CADM2: variants seen among roughly 807,000 people sequenced by gnomAD.
CADM2 encodes the protein immunoglobulin superfamily member 4D.
A neutral mutation model predicts 49.8 loss-of-function variants in CADM2; 12 were observed. That is an observed-to-expected ratio of 0.24 (90% confidence interval 0.15 to 0.39). The LOEUF is 0.39. CADM2 is among the 10% of genes least tolerant of loss of function. The pLI, the probability that CADM2 is intolerant of heterozygous loss-of-function variation, is 1.00. For synonymous variants in CADM2, 214 were observed against 175.4 expected (o/e 1.22, Z -1.74); for missense variants, 378 against 492.3 (o/e 0.77, Z 2.20).
At chr3:85,390,077 AAC>A (rs1432039304) in intron 1 of CADM2, among the ~76,000 whole-genome samples, 3 of 152,110 alleles carry the variant, frequency 2.0e-5, no homozygotes, top group Admixed American at 6.5e-5. Context: ...AAATATGAAA[AAC>A]ACAATAAAAA....
At chr3:85,386,451 T>C (rs2034238773) in intron 1 of CADM2, among the ~76,000 whole-genome samples, 1 of 151,936 alleles carries the variant, frequency 6.6e-6, no homozygotes, top group Non-Finnish European at 1.5e-5. Context: ...GGCAGTAGGG[T>C]GAGACCTCTG....
At chr3:85,578,831 A>G (rs1279523328) in intron 1 of CADM2, among the ~76,000 whole-genome samples, 1 of 152,048 alleles carries the variant, frequency 6.6e-6, no homozygotes, top group Non-Finnish European at 1.5e-5. Context: ...TCAACTTTAT[A>G]CCCTCCCATC....
intron 1 of CADM2, among the ~76,000 whole-genome samples, chr3:85,504,603 G>A (rs1451690405): frequency 1.3e-5 from 2 of 152,218 alleles, no homozygotes; most frequent in East Asian, 3.9e-4. Context: ...CAGGAGCCCA[G>A]CTGGCTTCAC....
intron 1 of CADM2, among the ~76,000 whole-genome samples, chr3:85,430,682 A>AAGAG (rs2036621831): frequency 6.6e-6 from 1 of 151,572 alleles, no homozygotes; most frequent in South Asian, 2.1e-4. Flanking sequence ...AAGACAGAGA[A>AAGAG]AAGAAACAAA....
chr3:85,990,013 CAAAAAAAAA>C (rs58178176), intron 8 of CADM2, among the ~76,000 whole-genome samples: 130 of 9,640 alleles, frequency 0.013, 1 homozygote, highest in Non-Finnish European at 0.024. Context: ...ACTCCATGTC[CAAAAAAAAA>C]AAAAAAAAAA....
rs546889137 is a variant in CADM2, at chr3:85,328,343, G to A, written c.61+368675G>A. Among the ~76,000 whole-genome samples the A allele has an allele frequency of 5.3e-5, 8 of 152,128 alleles. No homozygotes were observed. The South Asian group carries it at 8.3e-4, about 16-fold the overall frequency. Reference sequence around the variant, plus strand: ...TTTTACAGGAAATGTATTAAAATTTGTCACTATAACTCTAATTTCATTTAA... The same window carrying A: ...TTTTACAGGAAATGTATTAAAATTTATCACTATAACTCTAATTTCATTTAA... On this transcript the variant is annotated intron_variant, in intron 1 of 9. Transcript: ENST00000383699.
rs556015901 is a variant in CADM2 at position 85,307,648 on chromosome 3, C to T, written c.61+347980C>T. On this transcript the variant is annotated intron_variant, in intron 1 of 9. Transcript: ENST00000383699. ...ATAATGCTTTGTGATGTGAGAGAAA[C>T]AAATCCCAGCTTACAAGGTTACATG... 2.0e-5 allele frequency among the ~76,000 whole-genome samples: 3 copies of T among 151,756 alleles called. No individual in the cohort carries two copies. In the East Asian group the frequency reaches 5.8e-4, roughly 29 times the overall value.
chr3:85,290,054 C>A (rs980988909), intron 1 of CADM2, among the ~76,000 whole-genome samples: 3 of 152,070 alleles, frequency 2.0e-5, no homozygotes, highest in Non-Finnish European at 2.9e-5. Context: ...TAGGGAGTGC[C>A]AGACAGTGGG....
rs575411077 is a variant in CADM2, at chr3:85,183,651, T to A, written c.61+223983T>A. Among the ~76,000 whole-genome samples the A allele has an allele frequency of 2.0e-5, 3 of 152,292 alleles. No individual in the cohort carries two copies. In the South Asian group the frequency reaches 6.2e-4, roughly 32 times the overall value. ...AGATTTGAAGTAACCAATCTCTTCATAAATCTTACTATTCCATACAAAGTT... is the reference window on the plus strand; with the variant it reads ...AGATTTGAAGTAACCAATCTCTTCAAAAATCTTACTATTCCATACAAAGTT... On this transcript the variant is annotated intron_variant, in intron 1 of 9. Coordinates refer to ENST00000383699, the MANE Select transcript of CADM2 (RefSeq NM_001167675.2).
At position 85,847,133 on chromosome 3, in the gene CADM2, G is replaced by GATGTTGACAT. The variant is rs576790579; in HGVS notation, c.239-36158_239-36157insATGTTGACAT. 7.9e-5 allele frequency among the ~76,000 whole-genome samples: 12 copies of GATGTTGACAT among 152,290 alleles called. No individual in the cohort carries two copies. The South Asian group carries it at 2.5e-3, about 32-fold the overall frequency. On this transcript the variant is annotated intron_variant, in intron 3 of 9. Transcript: ENST00000383699. ...CAGTAATGATGTTGACATTAGCAGT[G>GATGTTGACAT]TGCCAGGCTGTTAATAACTTTTGCT... is the stretch of plus-strand genomic sequence containing the variant.
At chr3:85,301,597 TG>T (rs1211678398) in intron 1 of CADM2, among the ~76,000 whole-genome samples, 5 of 151,910 alleles carry the variant, frequency 3.3e-5, no homozygotes, top group South Asian at 2.1e-4. Flanking sequence ...TAGAAGTGGG[TG>T]GGGGGCTGAC....
intron 1 of CADM2, among the ~76,000 whole-genome samples, chr3:85,446,655 T>C (rs1310568172): frequency 6.9e-6 from 1 of 145,498 alleles, no homozygotes. Flanking sequence ...CAGACTGGAG[T>C]ACAAGGGTGC....
intron 1 of CADM2, among the ~76,000 whole-genome samples, chr3:85,636,504 T>C (rs1164784109): frequency 1.3e-5 from 2 of 152,178 alleles, no homozygotes; most frequent in Admixed American, 6.5e-5. Flanking sequence ...AACCTAAGGC[T>C]AATTTATTTT....
intron 8 of CADM2, chr3:86,013,599 G>C: frequency 1.2e-6 from 2 of 1,600,240 alleles, no homozygotes; most frequent in Non-Finnish European, 1.7e-6. Flanking sequence ...TCTCAGGGAA[G>C]AGAGAGAATC....
At chr3:85,603,412 TCAA>T (rs1307986639) in intron 1 of CADM2, among the ~76,000 whole-genome samples, 1 of 151,946 alleles carries the variant, frequency 6.6e-6, no homozygotes, top group African/African-American at 2.4e-5. Flanking sequence ...TGTTTTTTTC[TCAA>T]CAAGTTGTTA....
chr3:85,009,910 T>A (rs932285963), intron 1 of CADM2, among the ~76,000 whole-genome samples: 1 of 140,132 alleles, frequency 7.1e-6, no homozygotes, highest in Non-Finnish European at 1.6e-5. Context: ...TAAATAAATA[T>A]TTTAAAAAAT....
chr3:85,623,188 G>A (rs2064026531), intron 1 of CADM2, among the ~76,000 whole-genome samples: 1 of 152,044 alleles, frequency 6.6e-6, no homozygotes, highest in African/African-American at 2.4e-5. Context: ...TATTTTCAGT[G>A]CACACGTTAG....
At chr3:85,154,086 G>A (rs1443858890) in intron 1 of CADM2, among the ~76,000 whole-genome samples, 9 of 152,216 alleles carry the variant, frequency 5.9e-5, no homozygotes, top group Non-Finnish European at 1.2e-4. Context: ...AAAGCTGGAC[G>A]GAGAATGACT....
rs567198394 is a variant in CADM2, at chr3:85,667,771, G to A, written c.62-58751G>A. ...ACCTAAGGGAAAAGAAATTTGTCAC[G>A]TCAGACCTGCTTACTAACTAAGTAA... is the stretch of plus-strand genomic sequence containing the variant. On this transcript the variant is annotated intron_variant, in intron 1 of 9. Coordinates refer to ENST00000383699, the MANE Select transcript of CADM2 (RefSeq NM_001167675.2). Among the ~76,000 whole-genome samples, 8 of 152,060 alleles carry A rather than the reference G, an allele frequency of 5.3e-5. No individual in the cohort carries two copies. The East Asian group carries it at 5.8e-4, about 11-fold the overall frequency.
Sources: allele counts gnomAD v4.1 joint callset (sites outside exome capture counted in the v4.1 genomes callset), GRCh38; gene constraint gnomAD v4.1.1; transcripts MANE v1.5; gene names NCBI Gene and HGNC (gene_info 2026-07-23, HGNC 2026-07-21).